Variants in ARB2A observed in about 807,000 individuals in gnomAD.
The protein encoded by ARB2A is cotranscriptional regulator ARB2A.
the ARB2A span, among the ~76,000 whole-genome samples, chr5:93,632,011 C>A: frequency 6.6e-6 from 1 of 152,092 alleles, no homozygotes; most frequent in Admixed American, 6.5e-5. Context: ...TCTCAGAATT[C>A]CTGTGATTGA....
chr5:94,097,532 A>C, the ARB2A span, among the ~76,000 whole-genome samples: 1 of 152,116 alleles, frequency 6.6e-6, no homozygotes, highest in African/African-American at 2.4e-5. Flanking sequence ...ACAAGATCTG[A>C]TGGTTTTAAA....
At chr5:93,879,674 GA>G in the ARB2A span, among the ~76,000 whole-genome samples, 6 of 151,366 alleles carry the variant, frequency 4.0e-5, 1 homozygote, top group Admixed American at 3.3e-4. Context: ...GAGAACAAAA[GA>G]AAAAAAGCAA....
At chr5:93,814,152 T>C in the ARB2A span, among the ~76,000 whole-genome samples, 1 of 152,204 alleles carries the variant, frequency 6.6e-6, no homozygotes, top group Non-Finnish European at 1.5e-5. Flanking sequence ...CAGGCCTTAC[T>C]TTCTTCATTT....
At chr5:93,994,443 T>C in the ARB2A span, among the ~76,000 whole-genome samples, 1 of 152,164 alleles carries the variant, frequency 6.6e-6, no homozygotes, top group African/African-American at 2.4e-5. Flanking sequence ...TGATTTCACT[T>C]ACATGAGGCA....
At chr5:93,620,971 G>T in the ARB2A span, 1 of 1,600,430 alleles carries the variant, frequency 6.2e-7, no homozygotes, top group East Asian at 2.3e-5. Context: ...GGCCTCCCCC[G>T]TCGCGCTCGC....
chr5:93,835,851 C>T, the ARB2A span, among the ~76,000 whole-genome samples: 15 of 152,030 alleles, frequency 9.9e-5, no homozygotes, highest in East Asian at 1.9e-4. Context: ...ACCTGTTTTA[C>T]GACAAAATTT....
the ARB2A span, among the ~76,000 whole-genome samples, chr5:93,893,800 A>T: frequency 6.6e-6 from 1 of 152,200 alleles, no homozygotes; most frequent in African/African-American, 2.4e-5. Flanking sequence ...TTTACACAAG[A>T]AGGAGAAAAT....
chr5:93,784,821 C>T, the ARB2A span, among the ~76,000 whole-genome samples: 3 of 152,176 alleles, frequency 2.0e-5, no homozygotes, highest in Non-Finnish European at 4.4e-5. Flanking sequence ...GTTTCTTCCA[C>T]CACTTCCTAT....
chr5:93,776,470 G>A, the ARB2A span, among the ~76,000 whole-genome samples: 1 of 152,056 alleles, frequency 6.6e-6, no homozygotes. Context: ...CAAATCATCT[G>A]TGCTGATATT....
At chr5:93,650,744 C>T in the ARB2A span, among the ~76,000 whole-genome samples, 1 of 151,790 alleles carries the variant, frequency 6.6e-6, no homozygotes, top group Non-Finnish European at 1.5e-5. Flanking sequence ...TAATCCAGCA[C>T]TTTGGGAGGC....
chr5:93,881,782 T>G, the ARB2A span: 2 of 729,916 alleles, frequency 2.7e-6, no homozygotes, highest in Non-Finnish European at 4.1e-6. Context: ...AAGCAATTTT[T>G]ATATAGTTGC....
the ARB2A span, among the ~76,000 whole-genome samples, chr5:94,093,194 A>C: frequency 6.6e-6 from 1 of 152,156 alleles, no homozygotes; most frequent in African/African-American, 2.4e-5. Flanking sequence ...CAACTTTAAA[A>C]GTAATATATA....
the ARB2A span, among the ~76,000 whole-genome samples, chr5:93,903,548 G>GT: frequency 6.6e-6 from 1 of 151,948 alleles, no homozygotes; most frequent in South Asian, 2.1e-4. Context: ...GTATTTTTCA[G>GT]TAAATATGGT....
chr5:93,757,073 G>A, the ARB2A span, among the ~76,000 whole-genome samples: 1 of 152,152 alleles, frequency 6.6e-6, no homozygotes, highest in Admixed American at 6.5e-5. Flanking sequence ...TTTGAGAAAT[G>A]TGAAATGCTC....
At chr5:93,809,963 G>A in the ARB2A span, among the ~76,000 whole-genome samples, 1 of 152,016 alleles carries the variant, frequency 6.6e-6, no homozygotes, top group African/African-American at 2.4e-5. Context: ...CTGACATTGT[G>A]ATAAGCATTG....
chr5:93,725,610 T>A, the ARB2A span, among the ~76,000 whole-genome samples: 1 of 152,040 alleles, frequency 6.6e-6, no homozygotes, highest in African/African-American at 2.4e-5. Flanking sequence ...AGATGACAAA[T>A]GCAAGGACCT....
chr5:94,070,680 C>T, the ARB2A span, among the ~76,000 whole-genome samples: 1 of 151,836 alleles, frequency 6.6e-6, no homozygotes, highest in Non-Finnish European at 1.5e-5. Context: ...TTACTAATCA[C>T]ATATCTTAAA....
At chr5:93,658,400 C>T in the ARB2A span, among the ~76,000 whole-genome samples, 37 of 152,038 alleles carry the variant, frequency 2.4e-4, no homozygotes, top group Non-Finnish European at 4.9e-4. Flanking sequence ...CAGTCTTTTA[C>T]TGATCATTGA....
chr5:93,800,728 C>T, the ARB2A span, among the ~76,000 whole-genome samples: 2 of 152,018 alleles, frequency 1.3e-5, no homozygotes, highest in Non-Finnish European at 2.9e-5. Flanking sequence ...TGGAGCAAAT[C>T]TTTATATTTT....
Sources: gnomAD v4.1 joint callset for allele counts (sites outside exome capture counted in the v4.1 genomes callset) on GRCh38, gnomAD v4.1.1 for gene constraint, MANE v1.5 for transcripts, NCBI Gene and HGNC (gene_info 2026-07-23, HGNC 2026-07-21) for gene names.